The following LPA variants were observed in gnomAD, a reference collection of about 807,000 sequenced individuals.
LPA encodes lipoprotein(a).
Under a neutral mutation model 197.9 loss-of-function variants are expected in LPA, and 199 were observed. That is an observed-to-expected ratio of 1.01 (90% CI 0.90 to 1.13). The LOEUF is 1.13. Among genes scored for constraint, LPA ranks in the 50% most tolerant of loss-of-function variants. LPA has a pLI of 0.00. For missense variants in LPA, 1,853 were observed against 1,785.8 expected (o/e 1.04, Z -0.68); for synonymous variants, 715 against 639.5 (o/e 1.12, Z -1.78).
At chr6:160,570,557 C>T (rs990153893) in intron 28 of LPA, among the ~76,000 whole-genome samples, 13 of 152,132 alleles carry the variant, frequency 8.5e-5, no homozygotes, top group Non-Finnish European at 1.6e-4. Flanking sequence ...ATGGGTGCAG[C>T]ACACCAACAT....
intron 19 of LPA, among the ~76,000 whole-genome samples, 173 bp from the exon 20 acceptor site, chr6:160,599,832 A>G (rs1258871527): frequency 1.3e-5 from 2 of 152,204 alleles, no homozygotes; most frequent in Non-Finnish European, 2.9e-5. Flanking sequence ...AAAGTAAGAG[A>G]TGCCTACCAT....
intron 1 of LPA, among the ~76,000 whole-genome samples, chr6:160,655,862 T>C (rs1780123318): frequency 6.6e-6 from 1 of 152,106 alleles, no homozygotes; most frequent in Non-Finnish European, 1.5e-5. Flanking sequence ...TCTCTCCAAA[T>C]AAGATTATGA....
chr6:160,546,450 T>C (rs553935856), intron 32 of LPA, among the ~76,000 whole-genome samples: 13 of 152,290 alleles, frequency 8.5e-5, no homozygotes, highest in African/African-American at 1.9e-4. Flanking sequence ...GGATCCTTTT[T>C]AATATCTTTT....
chr6:160,658,503 T>C (rs1780168279), intron 1 of LPA, among the ~76,000 whole-genome samples: 1 of 152,204 alleles, frequency 6.6e-6, no homozygotes, highest in Non-Finnish European at 1.5e-5. Flanking sequence ...TTCTTTCATC[T>C]CTTTCTCCAG....
Position 160,611,060 on chromosome 6 carries a change from C to G in LPA, c.2603+502G>C, listed in dbSNP as rs571124776. Among the ~76,000 whole-genome samples, 6 of 152,218 alleles carry G rather than the reference C, an allele frequency of 3.9e-5. No individual in the cohort carries two copies. In the East Asian group the frequency reaches 1.2e-3, roughly 29 times the overall value. On this transcript the variant is annotated intron_variant, in intron 16 of 38. Coordinates refer to ENST00000316300, the MANE Select transcript of LPA (RefSeq NM_005577.4). ...CTCTTGCTGGGAACCTCTATCCTTT[C>G]AGGCCACTGGTACTTAGGACCAAGA... is the stretch of plus-strand genomic sequence containing the variant.
At chr6:160,584,718 G>T (rs1438344750) in intron 26 of LPA, among the ~76,000 whole-genome samples, 2 of 152,104 alleles carry the variant, frequency 1.3e-5, no homozygotes, top group African/African-American at 4.8e-5. Context: ...GAATTGCATG[G>T]TTGAAAGACT....
rs558652937 is a variant in LPA at position 160,569,565 on chromosome 6, G to A, written c.4631+7571C>T. Among the ~76,000 whole-genome samples, 348 of 152,240 alleles carry A rather than the reference G, an allele frequency of 2.3e-3. 1 individual carries two copies. Among genetic ancestry groups the A allele is most frequent in the African/African-American group, 7.9e-3 (328 of 41,560 alleles). On this transcript the variant is annotated intron_variant, in intron 28 of 38. Transcript: ENST00000316300. ...CCTAAGCAATACCATTCAGGACATA[G>A]GCATGGGCAAGGACTTCATGACTAA...
chr6:160,567,395 C>G (rs1778476579), intron 28 of LPA, among the ~76,000 whole-genome samples: 1 of 152,186 alleles, frequency 6.6e-6, no homozygotes, highest in African/African-American at 2.4e-5. Context: ...TGAGTGACTA[C>G]TGGGTATGTA....
At position 160,542,755 on chromosome 6, in the gene LPA, C is replaced by T. The variant is rs1778002380; in HGVS notation, c.5452G>A (p.Gly1818Arg). The T allele has an allele frequency of 6.2e-7, 1 of 1,613,984 alleles. No individual in the cohort carries two copies. The highest frequency in any genetic ancestry group is 1.3e-5 in the African/African-American group (1 of 74,904). Residue 1818 changes from glycine (G) to arginine (R), a missense_variant, in exon 34 of 39, where the codon GGA becomes AGA. By Grantham distance (125) the Gly-to-Arg change is moderately radical. Coordinates refer to ENST00000316300, the MANE Select transcript of LPA (RefSeq NM_005577.4). ...KPQVEPKKCP[G>R]SIVGGCVAHP... ...GCCACACACCCCCCTACAATGCTTCCAGGACATTTCTTCGGCTCCACTTGA... is the reference window on the plus strand; with the variant it reads ...GCCACACACCCCCCTACAATGCTTCTAGGACATTTCTTCGGCTCCACTTGA...
intron 36 of LPA, among the ~76,000 whole-genome samples, chr6:160,538,618 G>C (rs557052729): frequency 6.6e-6 from 1 of 152,096 alleles, no homozygotes; most frequent in Non-Finnish European, 1.5e-5. Context: ...AAGTTCAAGG[G>C]GATAAAGGAA....
intron 24 of LPA, among the ~76,000 whole-genome samples, chr6:160,588,924 T>C (rs1014050562): frequency 1.3e-5 from 2 of 152,220 alleles, no homozygotes; most frequent in Non-Finnish European, 2.9e-5. Context: ...TAGTCCTTCA[T>C]GGCAGAAAGG....
intron 2 of LPA, among the ~76,000 whole-genome samples, chr6:160,646,838 T>C (rs1779889657): frequency 6.6e-6 from 1 of 150,546 alleles, no homozygotes; most frequent in Non-Finnish European, 1.5e-5. Context: ...TATTCTAATG[T>C]GGGAGTTGCA....
chr6:160,569,296 G>GACCTA (rs1436685822), intron 28 of LPA, among the ~76,000 whole-genome samples: 3 of 151,894 alleles, frequency 2.0e-5, no homozygotes, highest in Non-Finnish European at 4.4e-5. Flanking sequence ...ATAGACCAAT[G>GACCTA]GAACAGAACA....
chr6:160,611,352 T>C (rs1161313721), intron 16 of LPA, among the ~76,000 whole-genome samples: 1 of 152,040 alleles, frequency 6.6e-6, no homozygotes, highest in Non-Finnish European at 1.5e-5. Context: ...TCATTTCCCT[T>C]CTGCTCCACA....
At chr6:160,592,156 T>C (rs560226535) in intron 22 of LPA, among the ~76,000 whole-genome samples, 22 of 152,312 alleles carry the variant, frequency 1.4e-4, no homozygotes, top group African/African-American at 5.1e-4. Context: ...CTAACACATA[T>C]ATTAAATGTG....
At chr6:160,648,556 ATGTG>A (rs561730484) in intron 2 of LPA, among the ~76,000 whole-genome samples, 24 of 150,352 alleles carry the variant, frequency 1.6e-4, no homozygotes, top group African/African-American at 5.4e-4. Context: ...GCATTTGTGG[ATGTG>A]TGTGTGTGTT....
At chr6:160,610,039 T>C (rs1188603745) in intron 16 of LPA, among the ~76,000 whole-genome samples, 1 of 152,154 alleles carries the variant, frequency 6.6e-6, no homozygotes, top group Non-Finnish European at 1.5e-5. Flanking sequence ...TGCACTTTTT[T>C]TAAATATCTG....
At chr6:160,602,765 C>A (rs1779269080) in intron 18 of LPA, among the ~76,000 whole-genome samples, 1 of 152,122 alleles carries the variant, frequency 6.6e-6, no homozygotes, top group Non-Finnish European at 1.5e-5. Flanking sequence ...CATTTTATTG[C>A]TGGATGTAGC....
At chr6:160,544,468 C>G (rs911555471) in intron 33 of LPA, among the ~76,000 whole-genome samples, 2 of 152,120 alleles carry the variant, frequency 1.3e-5, no homozygotes, top group Non-Finnish European at 2.9e-5. Context: ...TTCCTATCAC[C>G]CTAACCTCTC....
Sources: allele counts gnomAD v4.1 joint callset (sites outside exome capture counted in the v4.1 genomes callset), GRCh38; gene constraint gnomAD v4.1.1; transcripts MANE v1.5; gene names NCBI Gene and HGNC (gene_info 2026-07-23, HGNC 2026-07-21).